DNAAF9: variants seen among roughly 807,000 people sequenced by gnomAD.
DNAAF9 encodes the protein shulin.
A neutral mutation model predicts 167.0 loss-of-function variants in DNAAF9; 90 were observed. The observed-to-expected ratio is 0.54, with a 90% confidence interval of 0.45 to 0.64. DNAAF9 has a LOEUF of 0.64. Among genes scored for constraint, DNAAF9 ranks in the 30% least tolerant of loss-of-function variants. The probability of loss-of-function intolerance (pLI) is 0.00; values close to 1 mark genes in which losing one functional copy is unlikely to be tolerated. For synonymous variants in DNAAF9, 491 were observed against 508.8 expected, an observed-to-expected ratio of 0.96 and a Z score of 0.47; for missense variants, 1,315 against 1,442.2, an observed-to-expected ratio of 0.91 and a Z score of 1.43.
chr20:3,328,614 C>T (rs1450641580), intron 12 of DNAAF9, among the ~76,000 whole-genome samples: 1 of 152,082 alleles, frequency 6.6e-6, no homozygotes, highest in African/African-American at 2.4e-5. Flanking sequence ...TTGGTTTAGG[C>T]AAAATGTTTA....
At chr20:3,288,347 G>A (rs1018450834) in intron 26 of DNAAF9, among the ~76,000 whole-genome samples, 2 of 152,218 alleles carry the variant, frequency 1.3e-5, no homozygotes, top group African/African-American at 4.8e-5. Context: ...CTACTTGGGG[G>A]GCTGAGGCAG....
intron 27 of DNAAF9, among the ~76,000 whole-genome samples, chr20:3,282,198 G>C (rs982129960): frequency 5.9e-5 from 9 of 152,160 alleles, no homozygotes; most frequent in Admixed American, 3.9e-4. Context: ...ATCCAGGTCA[G>C]CAGACTCATC....
At chr20:3,287,451 C>A (rs1235490613) in intron 27 of DNAAF9, among the ~76,000 whole-genome samples, 181 bp downstream of exon 27, 1 of 152,240 alleles carries the variant, frequency 6.6e-6, no homozygotes, top group Non-Finnish European at 1.5e-5. Flanking sequence ...GCAAGCTATA[C>A]TAGCCTATAG....
At chr20:3,376,467 G>T (rs2083576923) in intron 3 of DNAAF9, among the ~76,000 whole-genome samples, 165 bp from the exon 4 acceptor site, 1 of 152,192 alleles carries the variant, frequency 6.6e-6, no homozygotes, top group South Asian at 2.1e-4. Flanking sequence ...AAACCAAAAA[G>T]TATCTGAGAC....
intron 7 of DNAAF9, among the ~76,000 whole-genome samples, chr20:3,351,760 G>C (rs1054819781): frequency 2.0e-5 from 3 of 152,036 alleles, no homozygotes; most frequent in African/African-American, 7.2e-5. Context: ...AGGTAATGGA[G>C]GTTCTGTTGC....
chr20:3,330,524 C>T (rs891279430), intron 12 of DNAAF9, 122 bp downstream of exon 12: 30 of 662,102 alleles, frequency 4.5e-5, no homozygotes, highest in Non-Finnish European at 7.0e-5. Context: ...TTACAGTGTG[C>T]GCCACCACAC....
Position 3,264,533 on chromosome 20 carries a change from A to G in DNAAF9, c.2787-9T>C. 7.1e-7 allele frequency: 1 copy of G among 1,399,020 alleles called. No individual in the cohort carries two copies. The highest frequency in any genetic ancestry group is 1.0e-6 in the Non-Finnish European group (1 of 986,032). 86.7% of individuals were successfully genotyped at this position (1,399,020 alleles called of 1,614,324 possible). A position where few individuals can be genotyped will look rare whatever the true frequency, so the allele number is the denominator to read the frequency against. On this transcript the variant is annotated splice_polypyrimidine_tract_variant and intron_variant, in intron 30 of 36. Transcript: ENST00000252032. ...GCTCAATGTCTTCATTCCTTTGAAAACACACAGAAAAGACCTAGATTAATT... is the reference window on the plus strand; with the variant it reads ...GCTCAATGTCTTCATTCCTTTGAAAGCACACAGAAAAGACCTAGATTAATT...
intron 7 of DNAAF9, among the ~76,000 whole-genome samples, chr20:3,353,702 C>T (rs1224750658): frequency 7.3e-6 from 1 of 137,260 alleles, no homozygotes; most frequent in East Asian, 2.2e-4. Context: ...CTATTAGAAA[C>T]AGACTCAGGA....
intron 20 of DNAAF9, among the ~76,000 whole-genome samples, chr20:3,312,025 G>A (rs1185584211): frequency 6.9e-6 from 1 of 144,098 alleles, no homozygotes; most frequent in Non-Finnish European, 1.5e-5. Context: ...GATCATTCTT[G>A]TTGCCCAGGC....
At chr20:3,341,777 T>C (rs571825970) in intron 9 of DNAAF9, among the ~76,000 whole-genome samples, 46 of 152,268 alleles carry the variant, frequency 3.0e-4, no homozygotes, top group African/African-American at 1.1e-3. Context: ...GTGATGATAA[T>C]ATATATACAT....
At chr20:3,282,420 C>T (rs2068779019) in intron 27 of DNAAF9, among the ~76,000 whole-genome samples, 1 of 152,186 alleles carries the variant, frequency 6.6e-6, no homozygotes, top group East Asian at 1.9e-4. Flanking sequence ...TGGGTCCAAA[C>T]TGTTATAATC....
At chr20:3,362,335 T>C (rs376886481) in intron 6 of DNAAF9, 27 of 746,712 alleles carry the variant, frequency 3.6e-5, no homozygotes, top group African/African-American at 3.0e-4. Context: ...CTTGCACTGC[T>C]GTCGCTTGAA....
chr20:3,332,700 G>A (rs545563436), intron 10 of DNAAF9, among the ~76,000 whole-genome samples: 22 of 152,026 alleles, frequency 1.4e-4, no homozygotes, highest in Admixed American at 8.5e-4. Flanking sequence ...CCGACCTCAG[G>A]TTATCTGCTC....
intron 23 of DNAAF9, chr20:3,296,612 C>T (rs972725437): frequency 1.3e-5 from 6 of 458,936 alleles, no homozygotes; most frequent in Non-Finnish European, 2.3e-5. Flanking sequence ...AATTCTTGTG[C>T]TCAATTCATC....
At chr20:3,400,886 T>C (rs1174628888) in intron 1 of DNAAF9, among the ~76,000 whole-genome samples, 1 of 152,142 alleles carries the variant, frequency 6.6e-6, no homozygotes, top group Non-Finnish European at 1.5e-5. Flanking sequence ...GGACCAGAAA[T>C]AAAGCCATAC....
At chr20:3,301,719 C>G (rs1894391355) in intron 21 of DNAAF9, among the ~76,000 whole-genome samples, 1 of 152,090 alleles carries the variant, frequency 6.6e-6, no homozygotes. Context: ...TGCTAAGTTA[C>G]TGTTACATAT....
chr20:3,315,953 C>G lies in DNAAF9; in HGVS notation c.1540-168G>C. On this transcript the variant is annotated intron_variant, in intron 18 of 36. Transcript: ENST00000252032. The surrounding 1 kb of genome is among the most constrained non-coding windows in gnomAD (Gnocchi z 4.1). ...ACACACCTGAGATGTCTGCTGGTCA[C>G]CTGGGCTCAGAGCCCAAGGCCTTGG... is the stretch of plus-strand genomic sequence containing the variant. The G allele has an allele frequency of 1.6e-6, 1 of 645,040 alleles. No individual in the cohort carries two copies. The highest frequency in any genetic ancestry group is 2.8e-6 in the Non-Finnish European group (1 of 358,482). 40.0% of individuals were successfully genotyped at this position (645,040 alleles called of 1,614,324 possible).
intron 28 of DNAAF9, among the ~76,000 whole-genome samples, chr20:3,280,909 C>T (rs1439381455): frequency 6.6e-6 from 1 of 152,086 alleles, no homozygotes; most frequent in Non-Finnish European, 1.5e-5. Context: ...GCCACTGTGC[C>T]CTGCCTGATT....
intron 24 of DNAAF9, 47 bp downstream of exon 24, chr20:3,294,481 T>C: frequency 7.4e-7 from 1 of 1,356,308 alleles, no homozygotes; most frequent in Non-Finnish European, 1.1e-6. Context: ...TTTCCGACAT[T>C]TCAAAAGCCA....
Sources: gnomAD v4.1 joint callset for allele counts (sites outside exome capture counted in the v4.1 genomes callset) on GRCh38, gnomAD v4.1.1 for gene constraint, Gnocchi (gnomAD v3.1) non-coding constraint, MANE v1.5 for transcripts, NCBI Gene and HGNC (gene_info 2026-07-23, HGNC 2026-07-21) for gene names.